Variants in CLUAP1 observed in about 807,000 individuals in gnomAD.
CLUAP1 encodes the protein clusterin-associated protein 1.
A neutral mutation model predicts 55.0 loss-of-function variants in CLUAP1; 50 were observed. The observed-to-expected ratio is 0.91, with a 90% CI of 0.72 to 1.15. The LOEUF (loss-of-function observed/expected upper bound fraction) is 1.15. CLUAP1 is among the 50% of genes most tolerant of loss of function. The pLI, the probability that CLUAP1 is intolerant of heterozygous loss-of-function variation, is 0.00. For missense variants in CLUAP1, 530 were observed against 507.6 expected, an observed-to-expected ratio of 1.04 and a Z score of -0.42; for synonymous variants, 195 against 175.4, an observed-to-expected ratio of 1.11 and a Z score of -0.88.
At chr16:3,518,302 A>G (rs1282836120) in intron 6 of CLUAP1, among the ~76,000 whole-genome samples, 3 of 152,230 alleles carry the variant, frequency 2.0e-5, no homozygotes, top group Non-Finnish European at 4.4e-5. Flanking sequence ...CTTAGCACTA[A>G]TATGTTAAAA....
rs549907298 is a variant in CLUAP1 at position 3,538,391 on chromosome 16, T to A, written c.*2120T>A. ...ATGCACCATATTGTAAATGATCCAC[T>A]GACAGGGAAGCCAGCGTGTTGGAGC... On this transcript the variant is annotated 3_prime_UTR_variant, in exon 12 of 12. Coordinates refer to ENST00000576634, the MANE Select transcript of CLUAP1 (RefSeq NM_015041.3). 6.6e-6 allele frequency: 1 copy of A among 151,806 alleles called. No individual in the cohort carries two copies. Among genetic ancestry groups the A allele is most frequent in the African/African-American group, 2.4e-5 (1 of 41,332 alleles). 9.4% of individuals were successfully genotyped at this position (151,806 alleles called of 1,614,324 possible).
chr16:3,522,154 C>CATT (rs528557327), intron 7 of CLUAP1, among the ~76,000 whole-genome samples: 32 of 151,762 alleles, frequency 2.1e-4, no homozygotes, highest in African/African-American at 2.7e-4. Context: ...GACAGTAGAA[C>CATT]ATTATTATTA....
upstream of CLUAP1, among the ~76,000 whole-genome samples, chr16:3,499,634 CATT>C (rs1337973612): frequency 4.2e-4 from 64 of 152,328 alleles, no homozygotes; most frequent in African/African-American, 1.4e-3. Flanking sequence ...GACTGTTTCT[CATT>C]ATTGAGTGTT....
intron 11 of CLUAP1, chr16:3,535,792 CCTT>C (rs1405517162): frequency 3.9e-6 from 1 of 257,702 alleles, no homozygotes; most frequent in East Asian, 8.3e-5. Flanking sequence ...AAGCCCCTGT[CCTT>C]CTTGCCATCT....
chr16:3,524,278 G>GT (rs1463063741), intron 8 of CLUAP1, among the ~76,000 whole-genome samples: 1 of 151,198 alleles, frequency 6.6e-6, no homozygotes, highest in African/African-American at 2.4e-5. Context: ...CTCCAGCTCG[G>GT]TTGACAGAGC....
intron 11 of CLUAP1, 53 bp downstream of exon 11, chr16:3,532,894 C>G: frequency 6.3e-7 from 1 of 1,593,700 alleles, no homozygotes; most frequent in Non-Finnish European, 8.6e-7. Flanking sequence ...TTGGCTGTCC[C>G]CATAGATGGG....
intron 9 of CLUAP1, among the ~76,000 whole-genome samples, chr16:3,528,927 A>T (rs1046770069): frequency 2.0e-5 from 3 of 152,152 alleles, no homozygotes; most frequent in African/African-American, 7.2e-5. Context: ...TTTCAGTGTC[A>T]GCATGCATTA....
intron 11 of CLUAP1, chr16:3,533,309 C>A (rs1042605613): frequency 1.5e-6 from 1 of 650,422 alleles, no homozygotes; most frequent in African/African-American, 1.8e-5. Context: ...CACTGAAGGC[C>A]CCTGTGCTAA....
intron 5 of CLUAP1, 149 bp from the exon 6 acceptor site, chr16:3,515,359 G>A (rs938562886): frequency 1.0e-5 from 6 of 585,642 alleles, no homozygotes; most frequent in Non-Finnish European, 1.8e-5. Flanking sequence ...GACATTATAG[G>A]AGGTGATGGT....
chr16:3,501,348 C>A (rs2037396916), intron 1 of CLUAP1, among the ~76,000 whole-genome samples: 1 of 152,242 alleles, frequency 6.6e-6, no homozygotes, highest in Non-Finnish European at 1.5e-5. Context: ...TGAAATGTGG[C>A]TAGTGCAGAT....
At position 3,530,565 on chromosome 16, in the gene CLUAP1, TA is replaced by T; in HGVS notation, c.929-2del. Reference sequence around the variant, plus strand: ...TTGTTTTGCCTGCTTGTGTTCCTGCTAGGTAACGATGACTCGGACATAGACA... The same window carrying T: ...TTGTTTTGCCTGCTTGTGTTCCTGCTGGTAACGATGACTCGGACATAGACA... On this transcript the variant is annotated splice_acceptor_variant, in intron 9 of 11. Coordinates refer to ENST00000576634, the MANE Select transcript of CLUAP1 (RefSeq NM_015041.3). LOFTEE classifies it high-confidence loss of function. 2 of 1,611,896 alleles carry T rather than the reference TA, an allele frequency of 1.2e-6. No individual in the cohort carries two copies. Among genetic ancestry groups the T allele is most frequent in the Non-Finnish European group, 1.7e-6 (2 of 1,178,176 alleles).
At chr16:3,525,732 A>T (rs2037929361) in intron 8 of CLUAP1, among the ~76,000 whole-genome samples, 1 of 151,998 alleles carries the variant, frequency 6.6e-6, no homozygotes, top group African/African-American at 2.4e-5. Context: ...ACCTGGCTAA[A>T]TTTTTTAAAT....
At chr16:3,527,065 C>T (rs74005828) in intron 9 of CLUAP1, among the ~76,000 whole-genome samples, 2 of 152,204 alleles carry the variant, frequency 1.3e-5, no homozygotes, top group East Asian at 1.9e-4. Context: ...GCCTAGATTC[C>T]GGGAAGGAGC....
intron 7 of CLUAP1, among the ~76,000 whole-genome samples, chr16:3,520,827 G>A (rs371731842): frequency 1.3e-5 from 2 of 152,220 alleles, no homozygotes; most frequent in African/African-American, 2.4e-5. Context: ...CAGGAATACC[G>A]ATGGAGAATA....
At chr16:3,522,100 T>C (rs1022413339) in intron 7 of CLUAP1, among the ~76,000 whole-genome samples, 1 of 152,228 alleles carries the variant, frequency 6.6e-6, no homozygotes, top group African/African-American at 2.4e-5. Flanking sequence ...CGTAACAACC[T>C]GTGGTCCCCT....
Position 3,536,085 on chromosome 16 carries a change from A to G in CLUAP1, c.1093-37A>G, listed in dbSNP as rs1238674480. ...TAGGACAAGATGTCAGGAATGAGGC[A>G]GGATCCCCCGTTGCATCTGCCATTT... On this transcript the variant is annotated intron_variant, in intron 11 of 11. Transcript: ENST00000576634. 6 of 1,608,000 alleles carry G rather than the reference A, an allele frequency of 3.7e-6. No homozygotes were observed. In the South Asian group the frequency reaches 6.7e-5, roughly 18 times the overall value.
rs938197865 is a variant in CLUAP1, at chr16:3,520,005, C to T, written c.682C>T (p.Arg228Trp). ...EKRKLELERN[R>W]KRLETLQSVR... ...GAGAAAATTAGAACTGGAAAGAAATCGGAAGCGACTAGAGACTCTGCAGAG... is the reference window on the plus strand; with the variant it reads ...GAGAAAATTAGAACTGGAAAGAAATTGGAAGCGACTAGAGACTCTGCAGAG... The change falls in exon 7 of 12, where the codon CGG (arginine) becomes TGG (tryptophan). Residue 228 changes from arginine to tryptophan, a missense_variant. Coordinates refer to ENST00000576634, the MANE Select transcript of CLUAP1 (RefSeq NM_015041.3). The T allele has an allele frequency of 8.1e-6, 13 of 1,613,266 alleles. No homozygotes were observed. Among genetic ancestry groups the T allele is most frequent in the Middle Eastern group, 3.3e-4 (2 of 6,062 alleles).
At chr16:3,526,684 A>G (rs899833458) in intron 9 of CLUAP1, among the ~76,000 whole-genome samples, 200 bp downstream of exon 9, 5 of 152,056 alleles carry the variant, frequency 3.3e-5, no homozygotes, top group Non-Finnish European at 7.4e-5. Context: ...GACTATAGGT[A>G]CAAAAATATT....
chr16:3,529,718 TTATATATTA>T (rs1375918447), intron 9 of CLUAP1, among the ~76,000 whole-genome samples: 3 of 22,882 alleles, frequency 1.3e-4, no homozygotes, highest in African/African-American at 4.5e-4. Flanking sequence ...TTATATAATA[TTATATATTA>T]TATATATTAT....
Sources: gnomAD v4.1 joint callset for allele counts (sites outside exome capture counted in the v4.1 genomes callset) on GRCh38, gnomAD v4.1.1 for gene constraint, MANE v1.5 for transcripts, NCBI Gene and HGNC (gene_info 2026-07-23, HGNC 2026-07-21) for gene names.